The following PIGR variants were observed in gnomAD, a reference collection of about 807,000 sequenced individuals.
The protein encoded by PIGR is polymeric immunoglobulin receptor, also known as hepatocellular carcinoma associated protein TB6.
PIGR carries 22 observed loss-of-function variants against 69.5 expected under a neutral mutation model. The ratio of observed to expected loss-of-function variants is 0.32; its 90% CI spans 0.23 to 0.45. PIGR has a LOEUF of 0.45. Ranked by LOEUF, PIGR falls within the 20% of genes least tolerant of loss-of-function variation. The pLI is 1.00. For synonymous variants in PIGR, 413 were observed against 407.6 expected (o/e 1.01, Z -0.16); for missense variants, 885 against 974.0 (o/e 0.91, Z 1.22).
At chr1:206,937,780 G>T in intron 3 of PIGR, 29 bp from the exon 4 acceptor site, 1 of 1,602,496 alleles carries the variant, frequency 6.2e-7, no homozygotes, top group Non-Finnish European at 8.5e-7. Context: ...AAGGTAGGGG[G>T]CAGGCAAGTT....
intron 6 of PIGR, among the ~76,000 whole-genome samples, chr1:206,933,945 C>T (rs1419194658): frequency 3.3e-5 from 5 of 151,816 alleles, no homozygotes; most frequent in African/African-American, 1.2e-4. Context: ...TCTCAGTTCA[C>T]TGCAACCCCT....
Position 206,937,625 on chromosome 1 carries a change from TA to T in PIGR, c.514del (p.Tyr172ThrfsTer12). 1 of 1,613,796 alleles carries T rather than the reference TA, an allele frequency of 6.2e-7. No individual in the cohort carries two copies. Among genetic ancestry groups the T allele is most frequent in the Non-Finnish European group, 8.5e-7 (1 of 1,179,848 alleles). ...RKSLYKQIGL[Y>X]PVLVIDSSGY... ...ACTGGAGTCGATGACCAGCACAGGGTACAGGCCTATCTGCTTGTACAAGGAC... is the reference window on the plus strand; with the variant it reads ...ACTGGAGTCGATGACCAGCACAGGGTCAGGCCTATCTGCTTGTACAAGGAC... On this transcript the variant is annotated frameshift_variant, in exon 4 of 11. Coordinates refer to ENST00000356495, the MANE Select transcript of PIGR (RefSeq NM_002644.4). LOFTEE classifies it high-confidence loss of function.
rs770649396 is a variant in PIGR at position 206,939,353 on chromosome 1, G to T, written c.154C>A (p.Arg52=). Residue 52 remains arginine (R), a synonymous_variant, in exon 3 of 11, where the codon CGG becomes AGG. Coordinates refer to ENST00000356495, the MANE Select transcript of PIGR (RefSeq NM_002644.4). ...GCTCCCTGCCGGCACCAGTACTTCC[G>T]GGTGTGCCGGTTGACAGAGGTGGGT... is the stretch of plus-strand genomic sequence containing the variant. The part of the protein sequence containing the change: ...YPPTSVNRHT[R]KYWCRQGARG... 2.5e-6 allele frequency: 4 copies of T among 1,614,214 alleles called. No homozygotes were observed. The highest frequency in any genetic ancestry group is 3.4e-6 in the Non-Finnish European group (4 of 1,180,024).
intron 4 of PIGR, 43 bp downstream of exon 4, chr1:206,937,052 C>G: frequency 3.3e-6 from 5 of 1,509,130 alleles, no homozygotes; most frequent in Non-Finnish European, 4.4e-6. Context: ...CTCTCACCTG[C>G]GAGACTGCCC....
chr1:206,931,589 T>C (rs779440744), intron 9 of PIGR, 34 bp from the exon 10 acceptor site: 109 of 1,613,734 alleles, frequency 6.8e-5, no homozygotes, highest in Non-Finnish European at 8.6e-5. Flanking sequence ...TAGCCCTTAC[T>C]AGCCTCCTTT....
chr1:206,938,811 G>C (rs1679920973), intron 3 of PIGR, among the ~76,000 whole-genome samples: 1 of 152,128 alleles, frequency 6.6e-6, no homozygotes, highest in Admixed American at 6.5e-5. Flanking sequence ...CCTGATGTCA[G>C]ATTTCCCTTT....
At chr1:206,931,916 G>A (rs1432328759) in intron 8 of PIGR, 114 bp from the exon 9 acceptor site, 13 of 1,150,800 alleles carry the variant, frequency 1.1e-5, no homozygotes, top group Non-Finnish European at 1.7e-5. Context: ...AGCTGAGGTG[G>A]TGCAGCTCTG....
intron 8 of PIGR, among the ~76,000 whole-genome samples, chr1:206,932,028 T>C (rs2102596811): frequency 6.6e-6 from 1 of 152,330 alleles, no homozygotes; most frequent in East Asian, 1.9e-4. Context: ...CTCTGGGACC[T>C]TTCAATGCAC....
intron 5 of PIGR, 36 bp from the exon 6 acceptor site, chr1:206,934,782 G>A (rs777423958): frequency 2.6e-6 from 4 of 1,511,710 alleles, no homozygotes; most frequent in Non-Finnish European, 3.6e-6. Flanking sequence ...AAACACAGAA[G>A]TTGGTACTTG....
Position 206,935,525 on chromosome 1 carries a change from T to C in PIGR, c.1339A>G (p.Thr447Ala), listed in dbSNP as rs780807659. 1 of 1,613,998 alleles carries C rather than the reference T, an allele frequency of 6.2e-7. No homozygotes were observed. The highest frequency in any genetic ancestry group is 1.1e-5 in the South Asian group (1 of 91,058). The change falls in exon 5 of 11, where the codon ACT becomes GCT. Residue 447 changes from threonine (T) to alanine (A), a missense_variant. Transcript: ENST00000356495. This position sits in a 1 kb window ranked among gnomAD's most constrained non-coding sequence, Gnocchi z 4.4. ...ATCTCCACGGTGGTCCTCCAGAGAG[T>C]ATCGCCGTTGGTCAGACACCAGTAG... ...GFYWCLTNGD[T>A]LWRTTVEIKI...
intron 8 of PIGR, among the ~76,000 whole-genome samples, chr1:206,932,053 TC>T (rs1349603697): frequency 6.6e-6 from 1 of 152,146 alleles, no homozygotes; most frequent in Non-Finnish European, 1.5e-5. Context: ...TCTCCTTTGG[TC>T]CTCACATCAG....
At chr1:206,938,435 C>T (rs911803749) in intron 3 of PIGR, among the ~76,000 whole-genome samples, 1 of 152,224 alleles carries the variant, frequency 6.6e-6, no homozygotes, top group Non-Finnish European at 1.5e-5. Context: ...TCCAAAGGAG[C>T]AAGACATGTC....
chr1:206,935,714 A>AAGTACTG lies in PIGR; in HGVS notation c.1149_1150insCAGTACT (p.Trp384GlnfsTer25). 6.2e-7 allele frequency: 1 copy of AAGTACTG among 1,614,024 alleles called. No individual in the cohort carries two copies. Among genetic ancestry groups the AAGTACTG allele is most frequent in the Non-Finnish European group, 8.5e-7 (1 of 1,179,998 alleles). On this transcript the variant is annotated frameshift_variant, in exon 5 of 11. Coordinates refer to ENST00000356495, the MANE Select transcript of PIGR (RefSeq NM_002644.4). LOFTEE classifies it high-confidence loss of function. This position sits in a 1 kb window ranked among gnomAD's most constrained non-coding sequence, Gnocchi z 4.4. ...TTCTGGGCCCCTTCCCAGAGACACC[A>AAGTACTG]GTACTTGATGCTTTTGCTTTCCTTA...
In PIGR at chr1:206,930,504, T is replaced by A; in HGVS notation, c.2200-91A>T. The A allele has an allele frequency of 6.8e-7, 1 of 1,470,952 alleles. No homozygotes were observed. The allele number at this position is 1,470,952 out of a possible 1,614,324, so 91.1% of individuals were successfully genotyped here. On this transcript the variant is annotated intron_variant, in intron 10 of 10. Transcript: ENST00000356495. This position sits in a 1 kb window ranked among gnomAD's most constrained non-coding sequence, Gnocchi z 4.3. ...GGAGGTGCTTAATGTCCTGAATTCG[T>A]GATCTTGGTCCAAGCAACACAAGCC...
chr1:206,944,966 A>T (rs1177639482), intron 1 of PIGR, among the ~76,000 whole-genome samples: 2 of 152,144 alleles, frequency 1.3e-5, no homozygotes, highest in Admixed American at 1.3e-4. Flanking sequence ...GGAGAATGAG[A>T]CGAAGGTGTG....
In PIGR at chr1:206,935,892, T is replaced by G. The variant is rs917690623; in HGVS notation, c.1046-74A>C. 7 of 1,141,218 alleles carry G rather than the reference T, an allele frequency of 6.1e-6. No homozygotes were observed. The African/African-American group carries it at 9.2e-5, about 15-fold the overall frequency. The allele number at this position is 1,141,218 out of a possible 1,614,324, so 70.7% of individuals were successfully genotyped here. A position where few individuals can be genotyped will look rare whatever the true frequency, so the allele number is the denominator to read the frequency against. On this transcript the variant is annotated intron_variant, in intron 4 of 10. Coordinates refer to ENST00000356495, the MANE Select transcript of PIGR (RefSeq NM_002644.4). This position sits in a 1 kb window ranked among gnomAD's most constrained non-coding sequence, Gnocchi z 4.4. ...GCCTTGCGTGGCCTGAGAAGCCTTC[T>G]TCCCGGGGTCTCAGCCAGGATGGGG... is the stretch of plus-strand genomic sequence containing the variant.
At chr1:206,940,410 G>C (rs2007272) in intron 2 of PIGR, 79 bp downstream of exon 2, 543,628 of 1,340,242 alleles carry the variant, frequency 0.41, 114,024 homozygotes, top group Middle Eastern at 0.49. Flanking sequence ...TCTGATTTTA[G>C]TGTCCCCAGG....
In PIGR at chr1:206,935,295, T is replaced by A. The variant is rs1679840628; in HGVS notation, c.1378+191A>T. Among the ~76,000 whole-genome samples, 1 of 152,166 alleles carries A rather than the reference T, an allele frequency of 6.6e-6. No individual in the cohort carries two copies. The highest frequency in any genetic ancestry group is 2.4e-5 in the African/African-American group (1 of 41,448). Reference sequence around the variant, plus strand: ...AGCCCATGTTCTTGGTAGTAGGAGGTACCATGTATGGTAATTCAGAGTGTA... The same window carrying A: ...AGCCCATGTTCTTGGTAGTAGGAGGAACCATGTATGGTAATTCAGAGTGTA... On this transcript the variant is annotated intron_variant, in intron 5 of 10. Transcript: ENST00000356495. The surrounding 1 kb of genome is among the most constrained non-coding windows in gnomAD (Gnocchi z 4.4).
In PIGR at chr1:206,933,041, C is replaced by T. The variant is rs1162961256; in HGVS notation, c.1831G>A (p.Val611Met). ...DPRLFAEEKA[V>M]ADTRDQADGS... ...TCGGCTTGATCTCTTGTATCTGCCA[C>T]CGCCTTTTCCTCTGCAAAAAGCCTG... The change falls in exon 7 of 11, where the codon GTG (valine) becomes ATG (methionine). Residue 611 changes from valine to methionine, a missense_variant. By Grantham distance (21) the Val-to-Met change is conservative (BLOSUM62 1). Transcript: ENST00000356495. 8 of 1,614,208 alleles carry T rather than the reference C, an allele frequency of 5.0e-6. No homozygotes were observed. The highest frequency in any genetic ancestry group is 6.8e-6 in the Non-Finnish European group (8 of 1,180,048).
Sources: gnomAD v4.1 joint callset for allele counts (sites outside exome capture counted in the v4.1 genomes callset) on GRCh38, gnomAD v4.1.1 for gene constraint, Gnocchi (gnomAD v3.1) non-coding constraint, MANE v1.5 for transcripts, NCBI Gene and HGNC (gene_info 2026-07-23, HGNC 2026-07-21) for gene names.